HS6ST2: variants seen among roughly 807,000 people sequenced by gnomAD.
HS6ST2 encodes the protein heparan sulfate 6-O-sulfotransferase 2.
HS6ST2 carries 17 observed loss-of-function variants against 33.0 expected under a neutral mutation model. That is an observed-to-expected ratio of 0.52 (90% CI 0.35 to 0.77). HS6ST2 has a LOEUF of 0.77. Ranked by LOEUF, HS6ST2 falls within the 30% of genes least tolerant of loss-of-function variation. The probability of loss-of-function intolerance (pLI) is 0.01; values close to 1 mark genes in which losing one functional copy is unlikely to be tolerated. For missense variants in HS6ST2, 519 were observed against 551.7 expected (o/e 0.94, Z 0.59); for synonymous variants, 248 against 237.1 (o/e 1.05, Z -0.42).
At chrX:132,948,425 A>C (rs745486793) in intron 2 of HS6ST2, among the ~76,000 whole-genome samples, 1 of 112,355 alleles carries the variant, frequency 8.9e-6, no homozygotes, top group Non-Finnish European at 1.9e-5. Context: ...ATAAATATGG[A>C]ATTTATGCAC....
At chrX:132,657,100 C>T (rs1031210654) in intron 4 of HS6ST2, among the ~76,000 whole-genome samples, 6 of 111,694 alleles carry the variant, frequency 5.4e-5, no homozygotes, top group Non-Finnish European at 1.1e-4. Flanking sequence ...GGGAGAGGGA[C>T]AATATGCCTT....
At chrX:132,947,904 A>T (rs73239347) in intron 2 of HS6ST2, among the ~76,000 whole-genome samples, 2,665 of 111,924 alleles carry the variant, frequency 0.024, 37 homozygotes, top group Middle Eastern at 0.064. Context: ...CAAAAACCCA[A>T]GGATCTTTAT....
intron 2 of HS6ST2, among the ~76,000 whole-genome samples, chrX:132,931,390 T>A (rs1201024606): frequency 9.0e-6 from 1 of 111,477 alleles, no homozygotes; most frequent in African/African-American, 3.3e-5. Context: ...CTCAACAATG[T>A]CTCCAGTTAT....
intron 2 of HS6ST2, among the ~76,000 whole-genome samples, chrX:132,736,223 G>T (rs1341350046): frequency 9.0e-6 from 1 of 111,302 alleles, no homozygotes; most frequent in African/African-American, 3.3e-5. Context: ...TGTAAAACAG[G>T]TAAAGGGGTA....
chrX:132,757,417 C>A lies in HS6ST2; in HGVS notation c.948-48923G>T, dbSNP rs753912424. 4.7e-4 allele frequency among the ~76,000 whole-genome samples: 53 copies of A among 111,806 alleles called. 1 individual carries two copies. The highest frequency in any genetic ancestry group is 1.7e-3 in the African/African-American group (51 of 30,780). On this transcript the variant is annotated intron_variant, in intron 2 of 4. Transcript: ENST00000370833. ...CCAAAGCAGTCAGGCAGGCTCACTTCCTCACCTCCAGAAACTTCTCTCTGG... is the reference window on the plus strand; with the variant it reads ...CCAAAGCAGTCAGGCAGGCTCACTTACTCACCTCCAGAAACTTCTCTCTGG...
At chrX:132,834,981 G>A (rs1044256400) in intron 2 of HS6ST2, among the ~76,000 whole-genome samples, 4 of 112,121 alleles carry the variant, frequency 3.6e-5, no homozygotes, top group Non-Finnish European at 7.5e-5. Context: ...GGTATTTTAA[G>A]TGAGTTGCTA....
chrX:132,717,923 T>C (rs1019843381), intron 2 of HS6ST2, among the ~76,000 whole-genome samples: 2 of 94,995 alleles, frequency 2.1e-5, no homozygotes, highest in Non-Finnish European at 4.2e-5. Flanking sequence ...TTTCATGTCT[T>C]ACCTGTAGTT....
intron 2 of HS6ST2, among the ~76,000 whole-genome samples, chrX:132,777,679 T>C (rs2148328538): frequency 9.5e-6 from 1 of 105,512 alleles, no homozygotes; most frequent in African/African-American, 3.5e-5. Flanking sequence ...ACTTCTGACC[T>C]CAGGTGATCC....
At chrX:132,728,443 G>C (rs972400547) in intron 2 of HS6ST2, among the ~76,000 whole-genome samples, 2 of 111,711 alleles carry the variant, frequency 1.8e-5, no homozygotes, top group African/African-American at 6.5e-5. Context: ...ACAAGGCAGC[G>C]GGTGTGGGAG....
chrX:132,732,200 C>T (rs1045204758), intron 2 of HS6ST2, among the ~76,000 whole-genome samples: 4 of 111,812 alleles, frequency 3.6e-5, no homozygotes, highest in African/African-American at 1.3e-4. Flanking sequence ...TTTGTTTGCA[C>T]GTTCAATGAA....
At chrX:132,698,963 T>G (rs775379736) in intron 3 of HS6ST2, among the ~76,000 whole-genome samples, 8 of 112,142 alleles carry the variant, frequency 7.1e-5, no homozygotes, top group Non-Finnish European at 1.5e-4. Flanking sequence ...AATTAATTAA[T>G]GTAGTAGTAC....
chrX:132,762,561 T>A (rs2064812014), intron 2 of HS6ST2, among the ~76,000 whole-genome samples: 1 of 111,852 alleles, frequency 8.9e-6, no homozygotes. Context: ...GTGGTGCATG[T>A]CCAAAGTAGG....
chrX:132,814,134 C>T (rs1190960863), intron 2 of HS6ST2, among the ~76,000 whole-genome samples: 1 of 110,601 alleles, frequency 9.0e-6, no homozygotes, highest in African/African-American at 3.3e-5. Flanking sequence ...TTAGTAGAGA[C>T]GGGATTTCAC....
chrX:132,667,985 C>G (rs1411502348), intron 4 of HS6ST2, among the ~76,000 whole-genome samples: 2 of 111,711 alleles, frequency 1.8e-5, no homozygotes, highest in African/African-American at 6.5e-5. Flanking sequence ...ATGTCTTTAA[C>G]ACCGTTTTTT....
At chrX:132,700,061 C>T (rs1026307891) in intron 3 of HS6ST2, among the ~76,000 whole-genome samples, 15 of 111,683 alleles carry the variant, frequency 1.3e-4, no homozygotes, top group Admixed American at 1.2e-3. Context: ...GACAAATGAA[C>T]AAGAGCTCCC....
Position 132,920,476 on chromosome X carries a change from G to A in HS6ST2, c.947+36332C>T, listed in dbSNP as rs757383312. On this transcript the variant is annotated intron_variant, in intron 2 of 4. Transcript: ENST00000370833. ...AAGGAAATGGCAAAACATCTTTTAGGTACAGGATATAGAACAAATTGTTGA... is the reference window on the plus strand; with the variant it reads ...AAGGAAATGGCAAAACATCTTTTAGATACAGGATATAGAACAAATTGTTGA... 4.4e-4 allele frequency among the ~76,000 whole-genome samples: 49 copies of A among 111,694 alleles called. No homozygotes were observed. The South Asian group carries it at 0.011, about 26-fold the overall frequency.
At chrX:132,653,181 A>T (rs1401923972) in intron 4 of HS6ST2, among the ~76,000 whole-genome samples, 2 of 111,501 alleles carry the variant, frequency 1.8e-5, no homozygotes, top group East Asian at 5.7e-4. Flanking sequence ...TTTTTAAAGT[A>T]TTAGGGGAAA....
intron 2 of HS6ST2, among the ~76,000 whole-genome samples, chrX:132,812,019 A>C (rs1213654056): frequency 9.1e-6 from 1 of 109,401 alleles, no homozygotes; most frequent in Non-Finnish European, 1.9e-5. Flanking sequence ...TGTTTTCCAC[A>C]GTAGCTGCAC....
chrX:132,814,258 A>G (rs1245711137), intron 2 of HS6ST2, among the ~76,000 whole-genome samples: 1 of 111,836 alleles, frequency 8.9e-6, no homozygotes, highest in Non-Finnish European at 1.9e-5. Context: ...AGAACATTTA[A>G]AGCTCCCATT....
Sources: allele counts gnomAD v4.1 joint callset (sites outside exome capture counted in the v4.1 genomes callset), GRCh38; gene constraint gnomAD v4.1.1; transcripts MANE v1.5; gene names NCBI Gene and HGNC (gene_info 2026-07-23, HGNC 2026-07-21).